NLK: variants seen among roughly 807,000 people sequenced by gnomAD.
The protein encoded by NLK is nemo like kinase.
NLK carries 11 observed loss-of-function variants against 59.0 expected under a neutral mutation model. The ratio of observed to expected loss-of-function variants is 0.19; its 90% CI spans 0.12 to 0.31. NLK has a LOEUF of 0.31. Among genes scored for constraint, NLK ranks in the 10% least tolerant of loss-of-function variants. NLK has a pLI of 1.00. For missense variants in NLK, 410 were observed against 661.1 expected (o/e 0.62, Z 4.16); for synonymous variants, 235 against 235.9 (o/e 1.00, Z 0.03).
At chr17:28,083,406 A>G (rs1461578642) in intron 1 of NLK, among the ~76,000 whole-genome samples, 1 of 152,194 alleles carries the variant, frequency 6.6e-6, no homozygotes, top group Non-Finnish European at 1.5e-5. Context: ...TACTGATAAG[A>G]TGTTGCTGTT....
At chr17:28,127,324 C>T (rs1906330820) in intron 2 of NLK, among the ~76,000 whole-genome samples, 1 of 152,172 alleles carries the variant, frequency 6.6e-6, no homozygotes, top group African/African-American at 2.4e-5. Context: ...TTTGTATAGT[C>T]TGACCTAACT....
At chr17:28,047,597 G>A (rs919099593) in intron 1 of NLK, among the ~76,000 whole-genome samples, 4 of 152,154 alleles carry the variant, frequency 2.6e-5, no homozygotes, top group Admixed American at 6.6e-5. Context: ...TCGAAGTAGA[G>A]ATTCACTTTG....
intron 10 of NLK, among the ~76,000 whole-genome samples, chr17:28,193,319 CTGGAACA>C (rs1306597560): frequency 9.9e-5 from 15 of 152,152 alleles, no homozygotes; most frequent in African/African-American, 3.6e-4. Flanking sequence ...GCCACAGGAA[CTGGAACA>C]CACAGCACGA....
At chr17:28,084,429 TA>T (rs780503746) in intron 1 of NLK, among the ~76,000 whole-genome samples, 4 of 152,198 alleles carry the variant, frequency 2.6e-5, no homozygotes, top group Non-Finnish European at 5.9e-5. Context: ...TAGTGAGTGA[TA>T]GAATCAGGAA....
At chr17:28,187,926 A>C (rs974914950) in intron 8 of NLK, among the ~76,000 whole-genome samples, 4 of 152,194 alleles carry the variant, frequency 2.6e-5, no homozygotes, top group African/African-American at 9.6e-5. Flanking sequence ...TAGGCTGAGC[A>C]TAGGGCACAG....
At chr17:28,132,550 A>G in intron 2 of NLK, 70 bp from the exon 3 acceptor site, 2 of 1,138,154 alleles carry the variant, frequency 1.8e-6, no homozygotes, top group Non-Finnish European at 2.6e-6. Flanking sequence ...GTTAGTATTT[A>G]CTTGCATTTA....
downstream of NLK, among the ~76,000 whole-genome samples, chr17:28,200,200 C>T (rs1322470747): frequency 6.6e-6 from 1 of 152,116 alleles, no homozygotes; most frequent in Non-Finnish European, 1.5e-5. Flanking sequence ...TTTTGTAACT[C>T]ATGGTTTTGG....
intron 10 of NLK, among the ~76,000 whole-genome samples, chr17:28,193,028 T>C (rs1435523925): frequency 4.6e-5 from 7 of 152,232 alleles, no homozygotes; most frequent in East Asian, 1.9e-4. Context: ...TTTCCTTCTC[T>C]TGATTTCTTT....
intron 1 of NLK, chr17:28,061,860 A>G (rs894382277): frequency 6.9e-6 from 1 of 145,826 alleles, no homozygotes; most frequent in Non-Finnish European, 1.5e-5. Flanking sequence ...TATATAATAT[A>G]TACATATACA....
chr17:28,149,795 T>G (rs562925745), intron 3 of NLK, among the ~76,000 whole-genome samples: 1 of 152,338 alleles, frequency 6.6e-6, no homozygotes, highest in Admixed American at 6.5e-5. Context: ...GTGGGCTGTC[T>G]TGTACACCAC....
At chr17:28,106,982 G>A (rs1465617930) in intron 1 of NLK, among the ~76,000 whole-genome samples, 2 of 151,984 alleles carry the variant, frequency 1.3e-5, no homozygotes, top group African/African-American at 2.4e-5. Flanking sequence ...TACTGAAATG[G>A]ATAATTAAAA....
At chr17:28,086,878 CAT>C (rs924543471) in intron 1 of NLK, among the ~76,000 whole-genome samples, 1 of 150,022 alleles carries the variant, frequency 6.7e-6, no homozygotes, top group Non-Finnish European at 1.5e-5. Context: ...AAAATATATA[CAT>C]ATATATATAT....
intron 3 of NLK, among the ~76,000 whole-genome samples, chr17:28,145,730 C>T (rs1004930788): frequency 6.6e-6 from 1 of 151,082 alleles, no homozygotes; most frequent in Non-Finnish European, 1.5e-5. Context: ...TTTTTAAAGA[C>T]AGTCTCACTC....
At position 28,194,910 on chromosome 17, in the gene NLK, A is replaced by G. The variant is rs1195388679; in HGVS notation, c.*274A>G. The G allele has an allele frequency of 3.1e-6, 1 of 319,716 alleles. No homozygotes were observed. The highest frequency in any genetic ancestry group is 2.1e-5 in the African/African-American group (1 of 46,766). 19.8% of individuals were successfully genotyped at this position (319,716 alleles called of 1,614,324 possible). A position where few individuals can be genotyped will look rare whatever the true frequency, so the allele number is the denominator to read the frequency against. ...CTGTTATGGCTCACCTCAGAACAAAAGAGAATTGAACCAAATTTGGGAGTT... is the reference window on the plus strand; with the variant it reads ...CTGTTATGGCTCACCTCAGAACAAAGGAGAATTGAACCAAATTTGGGAGTT... On this transcript the variant is annotated 3_prime_UTR_variant, in exon 11 of 11. Coordinates refer to ENST00000407008, the MANE Select transcript of NLK (RefSeq NM_016231.5).
intron 1 of NLK, among the ~76,000 whole-genome samples, chr17:28,112,760 G>A (rs1294484929): frequency 1.3e-5 from 2 of 152,200 alleles, no homozygotes; most frequent in Admixed American, 6.5e-5. Flanking sequence ...CACAACGGAA[G>A]AAGTTAGGAG....
intron 5 of NLK, among the ~76,000 whole-genome samples, chr17:28,165,985 TG>T (rs1257095861): frequency 6.6e-6 from 1 of 152,106 alleles, no homozygotes; most frequent in African/African-American, 2.4e-5. Context: ...GAGGCTGAGG[TG>T]GGCAGATCAC....
chr17:28,142,081 T>C (rs1253286235), intron 3 of NLK, among the ~76,000 whole-genome samples: 1 of 152,212 alleles, frequency 6.6e-6, no homozygotes, highest in East Asian at 1.9e-4. Flanking sequence ...AATAACATCA[T>C]TTTCTCTAGA....
intron 1 of NLK, among the ~76,000 whole-genome samples, chr17:28,094,094 C>T (rs1412883177): frequency 6.6e-6 from 1 of 152,286 alleles, no homozygotes; most frequent in East Asian, 1.9e-4. Context: ...ATTATATTCT[C>T]ATCAGATGAT....
intron 10 of NLK, among the ~76,000 whole-genome samples, chr17:28,193,239 T>TAAACAAGA (rs1301247081): frequency 6.6e-6 from 1 of 151,068 alleles, no homozygotes; most frequent in Non-Finnish European, 1.5e-5. Flanking sequence ...TGAGGGAGAG[T>TAAACAAGA]AAACAAGAAA....
Sources: allele counts gnomAD v4.1 joint callset (sites outside exome capture counted in the v4.1 genomes callset), GRCh38; gene constraint gnomAD v4.1.1; transcripts MANE v1.5; gene names NCBI Gene and HGNC (gene_info 2026-07-23, HGNC 2026-07-21).